GTPBP4: variants seen among roughly 807,000 people sequenced by gnomAD.
The protein encoded by GTPBP4 is GTP binding protein 4, also known as GTP-binding protein 4.
In GTPBP4, 15 loss-of-function variants were observed where a neutral mutation model predicts 81.7. The observed-to-expected ratio is 0.18, with a 90% CI of 0.12 to 0.28. GTPBP4 has a LOEUF of 0.28. Among genes scored for constraint, GTPBP4 ranks in the 10% least tolerant of loss-of-function variants. The pLI is 1.00. For missense variants in GTPBP4, 847 were observed against 793.8 expected, an observed-to-expected ratio of 1.07 and a Z score of -0.81; for synonymous variants, 272 against 274.6, an observed-to-expected ratio of 0.99 and a Z score of 0.09.
intron 2 of GTPBP4, among the ~76,000 whole-genome samples, chr10:995,419 T>C (rs570427469): frequency 6.6e-6 from 1 of 152,084 alleles, no homozygotes; most frequent in East Asian, 1.9e-4. Context: ...TTGTAGGCTG[T>C]TTAGATGGAG....
intron 1 of GTPBP4, chr10:988,882 C>T (rs1831390908): frequency 4.1e-6 from 1 of 241,772 alleles, no homozygotes; most frequent in Non-Finnish European, 8.1e-6. Context: ...AGGAAGCGTT[C>T]CGTGGTCCGT....
rs1832047743 is a variant in GTPBP4 at position 1,019,393 on chromosome 10, T to C, written c.*2166T>C. 3.1e-6 allele frequency: 2 copies of C among 654,612 alleles called. No homozygotes were observed. The highest frequency in any genetic ancestry group is 3.0e-5 in the Admixed American group (1 of 32,902). 40.6% of individuals were successfully genotyped at this position (654,612 alleles called of 1,614,324 possible). On this transcript the variant is annotated 3_prime_UTR_variant, in exon 17 of 17. Transcript: ENST00000360803. The stretch of plus-strand genomic sequence containing the variant: ...TGATGAAAAGGTTGAAATAGTGATT[T>C]ATACATGATGGGCAATCAAGTGCCC...
chr10:990,765 TC>T (rs1276010634), intron 1 of GTPBP4, among the ~76,000 whole-genome samples: 1 of 143,026 alleles, frequency 7.0e-6, no homozygotes, highest in African/African-American at 2.6e-5. Context: ...AAGTCATATC[TC>T]GTATGACCAT....
At chr10:992,748 A>G in intron 2 of GTPBP4, 89 bp downstream of exon 2, 1 of 698,350 alleles carries the variant, frequency 1.4e-6, no homozygotes. Flanking sequence ...CATTTGACAG[A>G]AAAGGAAACA....
In GTPBP4 at chr10:1,019,392, T is replaced by TCA; in HGVS notation, c.*2165_*2166insCA. 1 of 650,974 alleles carries TCA rather than the reference T, an allele frequency of 1.5e-6. No individual in the cohort carries two copies. Among genetic ancestry groups the TCA allele is most frequent in the South Asian group, 2.0e-5 (1 of 49,234 alleles). The allele number at this position is 650,974 out of a possible 1,614,324, so 40.3% of individuals were successfully genotyped here. ...TTGATGAAAAGGTTGAAATAGTGATTTATACATGATGGGCAATCAAGTGCC... is the reference window on the plus strand; with the variant it reads ...TTGATGAAAAGGTTGAAATAGTGATTCATATACATGATGGGCAATCAAGTGCC... On this transcript the variant is annotated 3_prime_UTR_variant, in exon 17 of 17. Coordinates refer to ENST00000360803, the MANE Select transcript of GTPBP4 (RefSeq NM_012341.3).
At position 1,000,770 on chromosome 10, in the gene GTPBP4, G is replaced by A. The variant is rs1325426069; in HGVS notation, c.748G>A (p.Ala250Thr). ...CACTGCCCTGGCCCACCTCCGTGCT[G>A]CGGTCCTGTATGTGATGGATTTGTC... Reference protein sequence around the residue: ...AITALAHLRAAVLYVMDLSEQ... With the variant: ...AITALAHLRATVLYVMDLSEQ... The change falls in exon 7 of 17, where the codon GCG (alanine) becomes ACG (threonine). Residue 250 changes from alanine (A) to threonine (T), a missense_variant. Coordinates refer to ENST00000360803, the MANE Select transcript of GTPBP4 (RefSeq NM_012341.3). 6.2e-7 allele frequency: 1 copy of A among 1,609,710 alleles called. No individual in the cohort carries two copies. Among genetic ancestry groups the A allele is most frequent in the East Asian group, 2.2e-5 (1 of 44,816 alleles).
chr10:1,001,682 G>GT (rs35451774), intron 8 of GTPBP4, among the ~76,000 whole-genome samples: 22 of 142,098 alleles, frequency 1.5e-4, no homozygotes, highest in African/African-American at 5.2e-4. Flanking sequence ...CTCATGGGTG[G>GT]TTTTTTTTTT....
At chr10:1,002,311 A>G (rs1056956628) in intron 8 of GTPBP4, among the ~76,000 whole-genome samples, 2 of 152,132 alleles carry the variant, frequency 1.3e-5, no homozygotes, top group African/African-American at 2.4e-5. Context: ...GTCCCCAAAT[A>G]TTATTGACCC....
chr10:1,015,490 GGA>G (rs1290851642), intron 15 of GTPBP4, among the ~76,000 whole-genome samples: 2 of 117,396 alleles, frequency 1.7e-5, no homozygotes, highest in African/African-American at 7.3e-5. Flanking sequence ...GCTGAGCCTG[GGA>G]GTGGGGCTGG....
chr10:991,757 G>A (rs985551964), intron 1 of GTPBP4, among the ~76,000 whole-genome samples: 7 of 137,806 alleles, frequency 5.1e-5, no homozygotes, highest in Admixed American at 1.5e-4. Flanking sequence ...GTGCAGTGGC[G>A]CGATCTCGGC....
At chr10:1,007,787 G>A (rs1831771696) in intron 10 of GTPBP4, 2 of 446,240 alleles carry the variant, frequency 4.5e-6, no homozygotes, top group Admixed American at 5.3e-5. Context: ...GGCGTGGTCG[G>A]GCACTGACTG....
At position 1,009,034 on chromosome 10, in the gene GTPBP4, G is replaced by A. The variant is rs1281915652; in HGVS notation, c.1190G>A (p.Arg397Lys). The change falls in exon 11 of 17, where the codon AGG becomes AAG. Residue 397 changes from arginine to lysine, a missense_variant and splice_region_variant. Physicochemically the swap from Arg to Lys is conservative, Grantham distance 26. Around this residue, in one of 3 missense-constraint regions of GTPBP4, gnomAD observed 600 missense variants for 557.1 expected, o/e 1.08. Coordinates refer to ENST00000360803, the MANE Select transcript of GTPBP4 (RefSeq NM_012341.3). Reference sequence around the variant, plus strand: ...GAAACTGAGGAGTCCAGGAAGAAGAGGGTATGCTGCCGAAGCTCTCGCCCA... The same window carrying A: ...GAAACTGAGGAGTCCAGGAAGAAGAAGGTATGCTGCCGAAGCTCTCGCCCA... ...RMETEESRKKRERDLELEMGD... is the reference protein window; with the variant it reads ...RMETEESRKKKERDLELEMGD... 1 of 1,605,902 alleles carries A rather than the reference G, an allele frequency of 6.2e-7. No homozygotes were observed. Among genetic ancestry groups the A allele is most frequent in the African/African-American group, 1.3e-5 (1 of 74,790 alleles).
At chr10:1,008,352 C>T (rs771415637) in intron 10 of GTPBP4, 11 of 369,772 alleles carry the variant, frequency 3.0e-5, no homozygotes, top group Non-Finnish European at 5.8e-5. Flanking sequence ...TTGCAGTGAG[C>T]CGAGATCACT....
At chr10:1,015,309 CCT>C (rs1171148454) in intron 15 of GTPBP4, among the ~76,000 whole-genome samples, 1 of 152,230 alleles carries the variant, frequency 6.6e-6, no homozygotes, top group Non-Finnish European at 1.5e-5. Flanking sequence ...TTCAGACGCT[CCT>C]CTCCTCCCCT....
chr10:994,256 TTTTGTTTGTTTGTTTG>T (rs144764762), intron 2 of GTPBP4, among the ~76,000 whole-genome samples: 1 of 150,362 alleles, frequency 6.7e-6, no homozygotes, highest in Admixed American at 6.6e-5. Context: ...AGAATGAGAT[TTTTGTTTGTTTGTTTG>T]TTTGTTTGTT....
In GTPBP4 at chr10:1,000,875, G is replaced by A; in HGVS notation, c.846+7G>A. The A allele has an allele frequency of 6.2e-7, 1 of 1,612,140 alleles. No homozygotes were observed. Among genetic ancestry groups the A allele is most frequent in the African/African-American group, 1.3e-5 (1 of 75,022 alleles). ...ACCTCTCTTCATCAACAAGGTGTGT[G>A]TGGTCACTCATGTTTTGCTTCATAT... On this transcript the variant is annotated splice_region_variant and intron_variant, in intron 7 of 16. Transcript: ENST00000360803.
chr10:1,009,251 T>C (rs979756529), intron 11 of GTPBP4, among the ~76,000 whole-genome samples: 3 of 151,180 alleles, frequency 2.0e-5, no homozygotes, highest in African/African-American at 7.4e-5. Context: ...ATGAGTGGGA[T>C]AGACAGTCCC....
chr10:1,006,012 T>A, intron 9 of GTPBP4, 105 bp downstream of exon 9: 1 of 678,058 alleles, frequency 1.5e-6, no homozygotes, highest in Non-Finnish European at 2.5e-6. Context: ...TGTTAACACT[T>A]GGAGCCCTCG....
chr10:1,012,371 G>A, intron 13 of GTPBP4, 94 bp from the exon 14 acceptor site: 1 of 842,716 alleles, frequency 1.2e-6, no homozygotes, highest in Non-Finnish European at 1.8e-6. Context: ...CTCTGAGTCA[G>A]GGAAACAAAG....
Sources: allele counts gnomAD v4.1 joint callset (sites outside exome capture counted in the v4.1 genomes callset), GRCh38; gene constraint gnomAD v4.1.1; regional missense constraint gnomAD v4.1.1; transcripts MANE v1.5; gene names NCBI Gene and HGNC (gene_info 2026-07-23, HGNC 2026-07-21).